The following MDFIC2 variants were observed in gnomAD, a reference collection of about 807,000 sequenced individuals.
MDFIC2 encodes the protein myoD family inhibitor domain-containing protein 2.
chr3:70,206,723 T>G lies in MDFIC2; in HGVS notation c.156A>C (p.Val52=). 1 of 397,852 alleles carries G rather than the reference T, an allele frequency of 2.5e-6. No homozygotes were observed. The highest frequency in any genetic ancestry group is 4.4e-6 in the Non-Finnish European group (1 of 225,534). 24.6% of individuals were successfully genotyped at this position (397,852 alleles called of 1,614,324 possible). The change falls in exon 3 of 4, where the codon GTA becomes GTC. Residue 52 remains valine, a synonymous_variant. Coordinates refer to ENST00000567252, the MANE Select transcript of MDFIC2 (RefSeq NM_001364677.1). The part of the protein sequence containing the change: ...KPINAIVINS[V]SDFNITDGPA... The stretch of plus-strand genomic sequence containing the variant: ...GTCCATCTGTGATATTGAAGTCAGA[T>G]ACTGAATTTATAACAATAGCATTAA...
At chr3:70,268,307 T>A (rs532067229) in intron 2 of MDFIC2, among the ~76,000 whole-genome samples, 1 of 152,048 alleles carries the variant, frequency 6.6e-6, no homozygotes, top group Admixed American at 6.6e-5. Flanking sequence ...ACCCACCGTC[T>A]GTACTAAAAT....
chr3:70,226,073 AT>A (rs1355284400), intron 2 of MDFIC2, among the ~76,000 whole-genome samples: 2 of 152,240 alleles, frequency 1.3e-5, no homozygotes, highest in Non-Finnish European at 2.9e-5. Flanking sequence ...CTTAAAAAAA[AT>A]AAAAGACAAC....
chr3:70,200,639 G>A (rs1258394585), intron 3 of MDFIC2, among the ~76,000 whole-genome samples: 1 of 152,084 alleles, frequency 6.6e-6, no homozygotes, highest in South Asian at 2.1e-4. Context: ...CTGACCATAC[G>A]ATGGCATGAA....
At chr3:70,266,909 C>T (rs189063820) in intron 2 of MDFIC2, among the ~76,000 whole-genome samples, 3 of 152,352 alleles carry the variant, frequency 2.0e-5, no homozygotes, top group Non-Finnish European at 4.4e-5. Context: ...CCACAGAAGG[C>T]ATGGCCTGGC....
intron 2 of MDFIC2, among the ~76,000 whole-genome samples, chr3:70,278,039 C>T (rs187980989): frequency 6.6e-6 from 1 of 152,244 alleles, no homozygotes; most frequent in East Asian, 1.9e-4. Flanking sequence ...ACCTATCTAA[C>T]CACCACCCCA....
At chr3:70,273,710 T>A (rs1701996272) in intron 2 of MDFIC2, among the ~76,000 whole-genome samples, 1 of 152,256 alleles carries the variant, frequency 6.6e-6, no homozygotes, top group Admixed American at 6.5e-5. Context: ...CTGGCAGGCA[T>A]TACTAATCAA....
intron 2 of MDFIC2, among the ~76,000 whole-genome samples, chr3:70,290,579 G>A (rs1043924301): frequency 2.0e-5 from 3 of 152,236 alleles, no homozygotes; most frequent in African/African-American, 2.4e-5. Context: ...GAGCTGTGGT[G>A]GGCTCCACCC....
At chr3:70,254,164 T>C (rs1701794367) in intron 2 of MDFIC2, among the ~76,000 whole-genome samples, 1 of 152,042 alleles carries the variant, frequency 6.6e-6, no homozygotes. Context: ...AAAAAAATTG[T>C]ATGCTAACTA....
intron 2 of MDFIC2, among the ~76,000 whole-genome samples, chr3:70,223,294 A>G (rs1701476327): frequency 2.0e-5 from 3 of 152,052 alleles, no homozygotes; most frequent in East Asian, 1.9e-4. Context: ...CACAGTCAAG[A>G]CTCAACTCAC....
At chr3:70,250,313 T>C (rs1012514834) in intron 2 of MDFIC2, among the ~76,000 whole-genome samples, 54 of 152,228 alleles carry the variant, frequency 3.5e-4, no homozygotes, top group African/African-American at 1.2e-3. Flanking sequence ...TAACTTGTAA[T>C]TTTACTATTG....
intron 2 of MDFIC2, among the ~76,000 whole-genome samples, chr3:70,221,565 A>AG (rs1228389829): frequency 6.6e-6 from 1 of 152,130 alleles, no homozygotes; most frequent in Non-Finnish European, 1.5e-5. Context: ...GCCTATTTAA[A>AG]GGAGAAACAC....
At chr3:70,255,682 C>A (rs1022390712) in intron 2 of MDFIC2, among the ~76,000 whole-genome samples, 2 of 152,040 alleles carry the variant, frequency 1.3e-5, no homozygotes, top group Non-Finnish European at 2.9e-5. Context: ...TGGTCTTGAA[C>A]TGCTGGGCTC....
At chr3:70,221,213 T>C (rs1701457936) in intron 2 of MDFIC2, among the ~76,000 whole-genome samples, 1 of 152,184 alleles carries the variant, frequency 6.6e-6, no homozygotes, top group Admixed American at 6.5e-5. Context: ...TCCATTCATT[T>C]ATTCATTAGT....
chr3:70,309,731 A>G (rs1477287963), intron 2 of MDFIC2, among the ~76,000 whole-genome samples: 1 of 152,172 alleles, frequency 6.6e-6, no homozygotes. Flanking sequence ...GATAATTCCC[A>G]ATTAAGATGT....
intron 2 of MDFIC2, among the ~76,000 whole-genome samples, chr3:70,218,102 T>C (rs1197059778): frequency 6.6e-6 from 1 of 152,146 alleles, no homozygotes; most frequent in Non-Finnish European, 1.5e-5. Flanking sequence ...AAGGCCTCAC[T>C]GGGGATTTAA....
In MDFIC2 at chr3:70,289,222, G is replaced by A. The variant is rs1414456471; in HGVS notation, c.88+22664C>T. On this transcript the variant is annotated intron_variant, in intron 2 of 3. Coordinates refer to ENST00000567252, the MANE Select transcript of MDFIC2 (RefSeq NM_001364677.1). ...CCGGTTGTTCCTTTCCATGTTTAGC[G>A]CTTCCTTCAGGAGCTCTTTTAGGGC... 2.9e-3 allele frequency among the ~76,000 whole-genome samples: 435 copies of A among 148,390 alleles called. 2 individuals are homozygous for A. Among genetic ancestry groups the A allele is most frequent in the African/African-American group, 0.01 (408 of 40,354 alleles).
chr3:70,251,243 T>A (rs577467698), intron 2 of MDFIC2, among the ~76,000 whole-genome samples: 1 of 152,332 alleles, frequency 6.6e-6, no homozygotes, highest in African/African-American at 2.4e-5. Context: ...GAGATGCCAA[T>A]GCTTTGTAGA....
At chr3:70,216,230 C>T (rs980780774) in intron 2 of MDFIC2, among the ~76,000 whole-genome samples, 1 of 150,024 alleles carries the variant, frequency 6.7e-6, no homozygotes, top group Non-Finnish European at 1.5e-5. Flanking sequence ...AATCCATATA[C>T]AATTAGAATA....
chr3:70,233,794 G>T (rs1193686292), intron 2 of MDFIC2, among the ~76,000 whole-genome samples: 5 of 152,144 alleles, frequency 3.3e-5, no homozygotes, highest in African/African-American at 1.2e-4. Flanking sequence ...TATTTTGAAA[G>T]TTATTCAGAT....
Sources: allele counts gnomAD v4.1 joint callset (sites outside exome capture counted in the v4.1 genomes callset), GRCh38; gene constraint gnomAD v4.1.1; transcripts MANE v1.5; gene names NCBI Gene and HGNC (gene_info 2026-07-23, HGNC 2026-07-21).